The following CYGB variants were observed in gnomAD, a reference collection of about 807,000 sequenced individuals.
The protein encoded by CYGB is histoglobin.
In CYGB, 13 loss-of-function variants were observed where a neutral mutation model predicts 20.7. The ratio of observed to expected loss-of-function variants is 0.63; its 90% CI spans 0.41 to 1.00. The LOEUF is 1.00. Among genes scored for constraint, CYGB ranks in the 50% least tolerant of loss-of-function variants. CYGB has a pLI of 0.00. For synonymous variants in CYGB, 93 were observed against 107.4 expected, an observed-to-expected ratio of 0.87 and a Z score of 0.83; for missense variants, 218 against 257.2, an observed-to-expected ratio of 0.85 and a Z score of 1.04.
chr17:76,544,662 C>A, intron 1 of CYGB: 1 of 456,798 alleles, frequency 2.2e-6, no homozygotes, highest in South Asian at 1.5e-5. Context: ...GAGGCATCGG[C>A]CTTCCTGGTG....
rs1324231230 is a variant in CYGB at position 76,546,722 on chromosome 17, T to A, written c.-53+4140A>T. ...GTTCGCACGGAAGCTTATGTTAACA[T>A]AATGATGATACTAATCGTATGATTA... On this transcript the variant is annotated intron_variant, in intron 1 of 3. Coordinates refer to the CYGB transcript ENST00000589145. This position sits in a 1 kb window ranked among gnomAD's most constrained non-coding sequence, Gnocchi z 4.5. 4 of 152,216 alleles carry A rather than the reference T, an allele frequency of 2.6e-5. No individual in the cohort carries two copies. Among genetic ancestry groups the A allele is most frequent in the Non-Finnish European group, 2.9e-5 (2 of 68,048 alleles). The allele number at this position is 152,216 out of a possible 1,614,324, so 9.4% of individuals were successfully genotyped here. A position where few individuals can be genotyped will look rare whatever the true frequency, so the allele number is the denominator to read the frequency against.
intron 1 of CYGB, chr17:76,544,045 G>GC: frequency 2.2e-6 from 1 of 454,782 alleles, no homozygotes; most frequent in Non-Finnish European, 4.4e-6. Context: ...TGCCTCCTTT[G>GC]CCCCCAGCTG....
chr17:76,541,472 A>C (rs961840278), upstream of CYGB, among the ~76,000 whole-genome samples: 1 of 152,158 alleles, frequency 6.6e-6, no homozygotes, highest in Non-Finnish European at 1.5e-5. Flanking sequence ...ACCTGCCAGC[A>C]ATGTGTCCCT....
In CYGB at chr17:76,546,697, G is replaced by C. The variant is rs532738746; in HGVS notation, c.-53+4165C>G. The C allele has an allele frequency of 6.6e-6, 1 of 152,200 alleles. No homozygotes were observed. The highest frequency in any genetic ancestry group is 2.4e-5 in the African/African-American group (1 of 41,430). 9.4% of individuals were successfully genotyped at this position (152,200 alleles called of 1,614,324 possible). A position where few individuals can be genotyped will look rare whatever the true frequency, so the allele number is the denominator to read the frequency against. On this transcript the variant is annotated intron_variant, in intron 1 of 3. Transcript: ENST00000589145. This position sits in a 1 kb window ranked among gnomAD's most constrained non-coding sequence, Gnocchi z 4.5. ...TTGTGAACCTCAGAAGAACAGTTTG[G>C]TTCGCACGGAAGCTTATGTTAACAT...
In CYGB at chr17:76,531,301, A is replaced by T. The variant is rs1029226047; in HGVS notation, c.375+159T>A. Among the ~76,000 whole-genome samples, 3 of 152,144 alleles carry T rather than the reference A, an allele frequency of 2.0e-5. No individual in the cohort carries two copies. The highest frequency in any genetic ancestry group is 7.2e-5 in the African/African-American group (3 of 41,440). On this transcript the variant is annotated intron_variant, in intron 2 of 3. Transcript: ENST00000293230. The surrounding 1 kb of genome is among the most constrained non-coding windows in gnomAD (Gnocchi z 7.4). The stretch of plus-strand genomic sequence containing the variant: ...GCTCTCAGGACAAGGGTTGCCCTGG[A>T]CCCAGCCCCTCCATCCTGCTGCCGG...
At chr17:76,539,433 T>G (rs149590100), upstream of CYGB, among the ~76,000 whole-genome samples, 86 of 152,368 alleles carry the variant, frequency 5.6e-4, 2 homozygotes, top group East Asian at 0.015. Context: ...CACACTTGAA[T>G]TCTGCCTTTT....
chr17:76,547,662 CAT>C (rs1257447153), intron 1 of CYGB, among the ~76,000 whole-genome samples: 2 of 133,778 alleles, frequency 1.5e-5, no homozygotes, highest in African/African-American at 2.7e-5. Flanking sequence ...CACACACACA[CAT>C]ATTCACACAC....
Position 76,530,624 on chromosome 17 carries a change from C to G in CYGB, c.539+355G>C, listed in dbSNP as rs568230669. Among the ~76,000 whole-genome samples the G allele has an allele frequency of 6.6e-5, 10 of 152,292 alleles. No homozygotes were observed. Among genetic ancestry groups the G allele is most frequent in the Non-Finnish European group, 1.2e-4 (8 of 68,018 alleles). ...GAGGAAGTGGCTGGGCTGACCTGGG[C>G]TGCCTCCGAGCCTGATGATCGGACC... On this transcript the variant is annotated intron_variant, in intron 3 of 3. Coordinates refer to ENST00000293230, the MANE Select transcript of CYGB (RefSeq NM_134268.5). This position sits in a 1 kb window ranked among gnomAD's most constrained non-coding sequence, Gnocchi z 6.1.
At chr17:76,543,003 T>C (rs994289047) in intron 1 of CYGB, 3 of 484,376 alleles carry the variant, frequency 6.2e-6, no homozygotes, top group African/African-American at 3.9e-5. Flanking sequence ...GGAGAAGTGC[T>C]GATCTGCTCT....
chr17:76,533,920 A>G lies in CYGB; in HGVS notation c.144-2229T>C, dbSNP rs2143099923. On this transcript the variant is annotated intron_variant, in intron 1 of 3. Transcript: ENST00000293230. The surrounding 1 kb of genome is among the most constrained non-coding windows in gnomAD (Gnocchi z 4.5). ...GTGGTGCCCGTCTGTAGTCCTAGCT[A>G]CTTGGGAGGCTGCAGCAGGAAGATC... 6.6e-6 allele frequency among the ~76,000 whole-genome samples: 1 copy of G among 152,042 alleles called. No individual in the cohort carries two copies. Among genetic ancestry groups the G allele is most frequent in the East Asian group, 1.9e-4 (1 of 5,172 alleles).
At position 76,531,890 on chromosome 17, in the gene CYGB, G is replaced by A; in HGVS notation, c.144-199C>T. On this transcript the variant is annotated intron_variant, in intron 1 of 3. Coordinates refer to ENST00000293230, the MANE Select transcript of CYGB (RefSeq NM_134268.5). The surrounding 1 kb of genome is among the most constrained non-coding windows in gnomAD (Gnocchi z 7.4). ...AGCCGGCTCACCCCTACCAAGTCTG[G>A]CCATGTCTATCTGCCAGGCTTGCTC... The A allele has an allele frequency of 1.9e-6, 1 of 529,528 alleles. No individual in the cohort carries two copies. The highest frequency in any genetic ancestry group is 3.4e-6 in the Non-Finnish European group (1 of 296,598). The allele number at this position is 529,528 out of a possible 1,614,324, so 32.8% of individuals were successfully genotyped here.
At position 76,530,302 on chromosome 17, in the gene CYGB, G is replaced by C. The variant is rs901004790; in HGVS notation, c.539+677C>G. Among the ~76,000 whole-genome samples, 2 of 152,050 alleles carry C rather than the reference G, an allele frequency of 1.3e-5. No individual in the cohort carries two copies. The highest frequency in any genetic ancestry group is 4.1e-4 in the South Asian group (2 of 4,826). On this transcript the variant is annotated intron_variant, in intron 3 of 3. Transcript: ENST00000293230. This position sits in a 1 kb window ranked among gnomAD's most constrained non-coding sequence, Gnocchi z 6.1. ...GTGTTCCCAACCGCCACATCTGGGG[G>C]CTAGCCCTCCCCTCACGCTCCGAGT...
At position 76,528,075 on chromosome 17, in the gene CYGB, G is replaced by C; in HGVS notation, c.*503C>G. 2.7e-6 allele frequency: 1 copy of C among 365,824 alleles called. No individual in the cohort carries two copies. The highest frequency in any genetic ancestry group is 5.1e-6 in the Non-Finnish European group (1 of 195,592). 22.7% of individuals were successfully genotyped at this position (365,824 alleles called of 1,614,324 possible). Reference sequence around the variant, plus strand: ...GCCCCACTCACAGGTGGGCCAAACCGAGGCTTCTGGGCGCCGCGGATACAC... The same window carrying C: ...GCCCCACTCACAGGTGGGCCAAACCCAGGCTTCTGGGCGCCGCGGATACAC... On this transcript the variant is annotated 3_prime_UTR_variant, in exon 4 of 4. Transcript: ENST00000293230. The surrounding 1 kb of genome is among the most constrained non-coding windows in gnomAD (Gnocchi z 5.8).
chr17:76,538,647 A>G (rs568722048), upstream of CYGB: 33 of 352,712 alleles, frequency 9.4e-5, no homozygotes, highest in East Asian at 3.4e-3. Flanking sequence ...CTCAGCCGCC[A>G]CCAAGGGCCC....
chr17:76,540,422 C>G (rs1419448787), upstream of CYGB: 3 of 1,469,498 alleles, frequency 2.0e-6, no homozygotes, highest in Middle Eastern at 1.7e-4. This position sits in a 1 kb window ranked among gnomAD's most constrained non-coding sequence, Gnocchi z 5.0. Flanking sequence ...ACTCCCATAG[C>G]CCAATGCGGC....
upstream of CYGB, among the ~76,000 whole-genome samples, chr17:76,541,119 C>G (rs1022211241): frequency 1.3e-5 from 2 of 152,310 alleles, no homozygotes; most frequent in Admixed American, 6.5e-5. Context: ...TAGGCTGGAG[C>G]CATGTGGTCT....
Position 76,530,935 on chromosome 17 carries a change from C to G in CYGB, c.539+44G>C, listed in dbSNP as rs1199204310. 1 of 1,525,438 alleles carries G rather than the reference C, an allele frequency of 6.6e-7. No homozygotes were observed. The highest frequency in any genetic ancestry group is 2.4e-5 in the East Asian group (1 of 40,910). 94.5% of individuals were successfully genotyped at this position (1,525,438 alleles called of 1,614,324 possible). A position where few individuals can be genotyped will look rare whatever the true frequency, so the allele number is the denominator to read the frequency against. ...GGGAGACCTCGGGGACAGCAGAGGA[C>G]ATGGCGGGGAGGCTGCCCAGCCCAC... On this transcript the variant is annotated intron_variant, in intron 3 of 3. Coordinates refer to ENST00000293230, the MANE Select transcript of CYGB (RefSeq NM_134268.5). The surrounding 1 kb of genome is among the most constrained non-coding windows in gnomAD (Gnocchi z 6.1).
upstream of CYGB, chr17:76,540,701 G>A: frequency 1.1e-6 from 1 of 918,852 alleles, no homozygotes; most frequent in South Asian, 1.4e-5. The surrounding 1 kb of genome is among the most constrained non-coding windows in gnomAD (Gnocchi z 5.0). Flanking sequence ...CTTGCCCTAA[G>A]CACCCTGCTC....
In CYGB at chr17:76,530,144, G is replaced by GTTTC; in HGVS notation, c.539+834_539+835insGAAA. 2.7e-5 allele frequency: 26 copies of GTTTC among 950,194 alleles called. No homozygotes were observed. Among genetic ancestry groups the GTTTC allele is most frequent in the Non-Finnish European group, 3.1e-5 (25 of 797,704 alleles). 58.9% of individuals were successfully genotyped at this position (950,194 alleles called of 1,614,324 possible). ...ACGGGAATGTTTCTCTACCACGCGT[G>GTTTC]TCCCGGGCTGCTGGCTGACCTCTGC... On this transcript the variant is annotated intron_variant, in intron 3 of 3. Coordinates refer to ENST00000293230, the MANE Select transcript of CYGB (RefSeq NM_134268.5). The surrounding 1 kb of genome is among the most constrained non-coding windows in gnomAD (Gnocchi z 6.1).
Sources: gnomAD v4.1 joint callset for allele counts (sites outside exome capture counted in the v4.1 genomes callset) on GRCh38, gnomAD v4.1.1 for gene constraint, Gnocchi (gnomAD v3.1) non-coding constraint, MANE v1.5 for transcripts, NCBI Gene and HGNC (gene_info 2026-07-23, HGNC 2026-07-21) for gene names.